TCERG1: variants seen among roughly 807,000 people sequenced by gnomAD.
TCERG1 encodes TATA box binding protein (TBP)-associated factor, RNA polymerase II, S, 150kD.
Under a neutral mutation model 144.7 loss-of-function variants are expected in TCERG1, and 37 were observed. The observed-to-expected ratio is 0.26, with a 90% CI of 0.20 to 0.34. The LOEUF is 0.34. TCERG1 is among the 10% of genes least tolerant of loss of function. The probability of loss-of-function intolerance (pLI) is 1.00; values close to 1 mark genes in which losing one functional copy is unlikely to be tolerated. For missense variants in TCERG1, 1,027 were observed against 1,380.7 expected, an observed-to-expected ratio of 0.74 and a Z score of 4.06; for synonymous variants, 492 against 458.2, an observed-to-expected ratio of 1.07 and a Z score of -0.94.
rs1216313163 is a variant in TCERG1 at position 146,503,453 on chromosome 5, G to A, written c.2512G>A (p.Val838Ile). 6.2e-7 allele frequency: 1 copy of A among 1,613,908 alleles called. No individual in the cohort carries two copies. Among genetic ancestry groups the A allele is most frequent in the South Asian group, 1.1e-5 (1 of 91,078 alleles). Reference protein sequence around the residue: ...QSRWSKVKDKVESDPRYKAVD... With the variant: ...QSRWSKVKDKIESDPRYKAVD... ...TCGATGGAGCAAAGTAAAAGACAAA[G>A]TAGAAAGTGATCCACGTTACAAAGC... is the stretch of plus-strand genomic sequence containing the variant. The change falls in exon 18 of 23, where the codon GTA (valine) becomes ATA (isoleucine). Residue 838 changes from valine to isoleucine, a missense_variant. By Grantham distance (29) the Val-to-Ile change is conservative. Coordinates refer to ENST00000679501, the MANE Select transcript of TCERG1 (RefSeq NM_001382548.1).
At chr5:146,470,404 A>C (rs1410189869) in intron 7 of TCERG1, among the ~76,000 whole-genome samples, 2 of 152,210 alleles carry the variant, frequency 1.3e-5, no homozygotes, top group Non-Finnish European at 2.9e-5. Flanking sequence ...TGAAAGATTT[A>C]ATGTGCCTTC....
At chr5:146,506,012 G>A (rs1389799234) in intron 19 of TCERG1, among the ~76,000 whole-genome samples, 16 of 152,056 alleles carry the variant, frequency 1.1e-4, no homozygotes, top group Admixed American at 1.0e-3. Flanking sequence ...CCTGACCTCA[G>A]GTGATCCACC....
intron 16 of TCERG1, 105 bp from the exon 17 acceptor site, chr5:146,498,431 T>C (rs1455202516): frequency 2.4e-5 from 29 of 1,207,252 alleles, no homozygotes; most frequent in Middle Eastern, 2.3e-4. Context: ...TGAGTCCCAG[T>C]GTCTCTTTGT....
intron 19 of TCERG1, chr5:146,505,730 T>C (rs1184840017): frequency 1.3e-5 from 2 of 152,252 alleles, no homozygotes; most frequent in African/African-American, 2.4e-5. Flanking sequence ...GCAGCACTTA[T>C]TACCTGTATT....
intron 22 of TCERG1, 116 bp from the exon 23 acceptor site, chr5:146,510,318 TAAAAAAA>T (rs546570760): frequency 2.5e-5 from 14 of 550,950 alleles, no homozygotes; most frequent in Admixed American, 3.9e-5. Flanking sequence ...AAATTTTTCT[TAAAAAAA>T]AAAAAAAAAA....
rs1554095284 is a variant in TCERG1 at position 146,458,994 on chromosome 5, T to G, written c.549T>G (p.Val183=). Residue 183 remains valine, a synonymous_variant, in exon 4 of 23, where the codon GTT becomes GTG. Coordinates refer to ENST00000679501, the MANE Select transcript of TCERG1 (RefSeq NM_001382548.1). ...LTPMLAAQAQ[V]QAQAQAQAQA... ...CTATGCTTGCAGCCCAGGCACAGGT[T>G]CAGGCTCAGGCCCAGGCGCAGGCTC... is the stretch of plus-strand genomic sequence containing the variant. 3 of 1,613,602 alleles carry G rather than the reference T, an allele frequency of 1.9e-6. No individual in the cohort carries two copies. Among genetic ancestry groups the G allele is most frequent in the South Asian group, 2.2e-5 (2 of 91,066 alleles).
intron 4 of TCERG1, 102 bp from the exon 5 acceptor site, chr5:146,463,449 G>C: frequency 2.6e-6 from 4 of 1,525,656 alleles, no homozygotes; most frequent in Non-Finnish European, 3.6e-6. Context: ...TGCATAGAAT[G>C]GTCCCTTAAA....
intron 16 of TCERG1, among the ~76,000 whole-genome samples, chr5:146,498,089 G>C (rs75282005): frequency 2.0e-5 from 3 of 151,702 alleles, no homozygotes; most frequent in Admixed American, 6.6e-5. Context: ...AGGCATTTCA[G>C]TCTTACTCTT....
chr5:146,479,335 C>T (rs1250204798), intron 10 of TCERG1, among the ~76,000 whole-genome samples: 2 of 151,968 alleles, frequency 1.3e-5, no homozygotes, highest in Non-Finnish European at 2.9e-5. Context: ...CATTTATAGT[C>T]ATTGAGACAT....
At chr5:146,478,841 A>G (rs1462367281) in intron 10 of TCERG1, among the ~76,000 whole-genome samples, 188 bp downstream of exon 10, 3 of 152,168 alleles carry the variant, frequency 2.0e-5, no homozygotes, top group Non-Finnish European at 4.4e-5. Context: ...TTTGGATAAG[A>G]TTGTGCTTTG....
chr5:146,510,003 G>T (rs1430812382), intron 22 of TCERG1: 16 of 1,267,550 alleles, frequency 1.3e-5, no homozygotes, highest in African/African-American at 1.5e-5. Context: ...GATCCTTAAT[G>T]TTTTGCATCA....
chr5:146,475,876 T>G (rs1231531255), intron 9 of TCERG1, among the ~76,000 whole-genome samples: 1 of 152,156 alleles, frequency 6.6e-6, no homozygotes, highest in African/African-American at 2.4e-5. Context: ...TTCAGAATAG[T>G]GAGTTGGTTT....
rs760053839 is a variant in TCERG1, at chr5:146,459,354, A to G, written c.892+17A>G. On this transcript the variant is annotated intron_variant, in intron 4 of 22. Coordinates refer to ENST00000679501, the MANE Select transcript of TCERG1 (RefSeq NM_001382548.1). The stretch of plus-strand genomic sequence containing the variant: ...CAGTATCAAGTGAGTACCACTCAGC[A>G]TGTGTTTTTATATAGGGGCTAGAGA... 2.5e-6 allele frequency: 4 copies of G among 1,607,708 alleles called. No homozygotes were observed. Among genetic ancestry groups the G allele is most frequent in the African/African-American group, 1.3e-5 (1 of 74,990 alleles).
chr5:146,493,464 AT>A (rs1412648156), intron 16 of TCERG1, among the ~76,000 whole-genome samples: 1 of 152,084 alleles, frequency 6.6e-6, no homozygotes, highest in Non-Finnish European at 1.5e-5. Flanking sequence ...GATTGGTAAT[AT>A]GTATTAAATA....
At chr5:146,510,208 A>G in intron 22 of TCERG1, 2 of 791,128 alleles carry the variant, frequency 2.5e-6, no homozygotes, top group Non-Finnish European at 3.7e-6. Flanking sequence ...CCTGATCTGG[A>G]GGGACCACCA....
chr5:146,498,081 G>A (rs1447362445), intron 16 of TCERG1, among the ~76,000 whole-genome samples: 1 of 151,742 alleles, frequency 6.6e-6, no homozygotes, highest in Admixed American at 6.6e-5. Context: ...CTTCTTTCAG[G>A]CATTTCAGTC....
intron 1 of TCERG1, among the ~76,000 whole-genome samples, chr5:146,450,320 T>C (rs1039176752): frequency 3.9e-5 from 6 of 152,174 alleles, no homozygotes. Context: ...TGTGAAAATC[T>C]GGGGAAGAAC....
intron 6 of TCERG1, among the ~76,000 whole-genome samples, chr5:146,469,127 C>T (rs1468622000): frequency 2.0e-5 from 3 of 151,974 alleles, no homozygotes; most frequent in Admixed American, 2.0e-4. Flanking sequence ...CTTTTAGTTA[C>T]CTTAAAATTA....
chr5:146,475,072 ATATACAAT>A (rs1418288580), intron 9 of TCERG1, among the ~76,000 whole-genome samples: 1 of 152,050 alleles, frequency 6.6e-6, no homozygotes, highest in Non-Finnish European at 1.5e-5. Context: ...TATTTAATCT[ATATACAAT>A]CCACACATTG....
Sources: gnomAD v4.1 joint callset for allele counts (sites outside exome capture counted in the v4.1 genomes callset) on GRCh38, gnomAD v4.1.1 for gene constraint, MANE v1.5 for transcripts, NCBI Gene and HGNC (gene_info 2026-07-23, HGNC 2026-07-21) for gene names.